The following PDXDC1 variants were observed in gnomAD, a reference collection of about 807,000 sequenced individuals.
PDXDC1 encodes pyridoxal-dependent decarboxylase domain-containing protein 1.
Under a neutral mutation model 100.1 loss-of-function variants are expected in PDXDC1, and 42 were observed. The ratio of observed to expected loss-of-function variants is 0.42; its 90% CI spans 0.33 to 0.54. The LOEUF is 0.54. Among genes scored for constraint, PDXDC1 ranks in the 20% least tolerant of loss-of-function variants. The pLI, the probability that PDXDC1 is intolerant of heterozygous loss-of-function variation, is 0.10. For missense variants in PDXDC1, 636 were observed against 979.2 expected, an observed-to-expected ratio of 0.65 and a Z score of 4.68; for synonymous variants, 260 against 371.7, an observed-to-expected ratio of 0.70 and a Z score of 3.46.
chr16:15,065,324 C>A (rs1597878146), intron 16 of PDXDC1: 1 of 1,613,668 alleles, frequency 6.2e-7, no homozygotes, highest in Non-Finnish European at 8.5e-7. Flanking sequence ...CAGCATCTGG[C>A]GATTGTTCCT....
At chr16:15,128,498 G>A (rs1598219457) in intron 16 of PDXDC1, 2 of 688,788 alleles carry the variant, frequency 2.9e-6, no homozygotes, top group African/African-American at 3.5e-5. Context: ...GAGCCACACA[G>A]GCAGTCCCGG....
intron 16 of PDXDC1, among the ~76,000 whole-genome samples, chr16:15,073,825 C>T (rs1248043918): frequency 6.6e-6 from 1 of 151,882 alleles, no homozygotes; most frequent in Non-Finnish European, 1.5e-5. Flanking sequence ...TGTTATGTTG[C>T]CCAGGATAGT....
intron 16 of PDXDC1, chr16:15,125,866 G>T (rs1165733211): frequency 4.8e-6 from 4 of 825,242 alleles, no homozygotes; most frequent in African/African-American, 1.7e-5. Context: ...GGACCTGGAT[G>T]AGAAGCCACC....
intron 16 of PDXDC1, chr16:15,131,446 A>T (rs1567309425): frequency 1.9e-6 from 3 of 1,608,412 alleles, no homozygotes; most frequent in Admixed American, 1.7e-5. Context: ...AGCCTAGGGG[A>T]TGGAGAAGTG....
chr16:15,127,018 T>C, intron 16 of PDXDC1: 1 of 344,822 alleles, frequency 2.9e-6, no homozygotes. Flanking sequence ...CTCAAACTCC[T>C]GGACTCAGAT....
At chr16:15,005,019 A>T (rs1040579854) in intron 5 of PDXDC1, among the ~76,000 whole-genome samples, 1 of 152,286 alleles carries the variant, frequency 6.6e-6, no homozygotes, top group African/African-American at 2.4e-5. Context: ...ATAGGTTCAG[A>T]GGGCCAGCTG....
intron 1 of PDXDC1, among the ~76,000 whole-genome samples, chr16:14,995,745 A>C (rs544240186): frequency 8.5e-5 from 13 of 152,408 alleles, no homozygotes; most frequent in African/African-American, 2.9e-4. Context: ...CCTCTGGTAG[A>C]ATTTGGCTGT....
rs146009528 is a variant in PDXDC1 at position 15,034,211 on chromosome 16, G to T, written c.1813-75G>T. ...GACCTGCTTTTGAAAAATTCCCTCAGTGCTGTGTTACTAGCTCTTCTGGGC... is the reference window on the plus strand; with the variant it reads ...GACCTGCTTTTGAAAAATTCCCTCATTGCTGTGTTACTAGCTCTTCTGGGC... On this transcript the variant is annotated intron_variant, in intron 19 of 22. Coordinates refer to ENST00000396410, the MANE Select transcript of PDXDC1 (RefSeq NM_015027.4). The T allele has an allele frequency of 9.1e-3, 11,624 of 1,283,238 alleles. 100 individuals are homozygous for T. Among genetic ancestry groups the T allele is most frequent in the Non-Finnish European group, 9.5e-3 (8,406 of 889,416 alleles). The allele number at this position is 1,283,238 out of a possible 1,614,324, so 79.5% of individuals were successfully genotyped here. A position where few individuals can be genotyped will look rare whatever the true frequency, so the allele number is the denominator to read the frequency against.
intron 16 of PDXDC1, among the ~76,000 whole-genome samples, chr16:15,051,101 C>T (rs186202901): frequency 6.6e-6 from 1 of 152,348 alleles, no homozygotes; most frequent in Admixed American, 6.5e-5. Context: ...TCCTGAGATA[C>T]TTACCTTCTG....
the PDXDC1 span, among the ~76,000 whole-genome samples, chr16:15,145,820 A>G: frequency 6.6e-6 from 1 of 152,254 alleles, no homozygotes; most frequent in African/African-American, 2.4e-5. Flanking sequence ...GCTGGAGCGC[A>G]GGCAGCAGAG....
At chr16:15,063,572 G>T (rs530162107) in intron 16 of PDXDC1, among the ~76,000 whole-genome samples, 1 of 151,812 alleles carries the variant, frequency 6.6e-6, no homozygotes, top group Non-Finnish European at 1.5e-5. Context: ...GCCGGGTGTG[G>T]TGGCGGACAC....
chr16:15,042,723 T>TATTTATTTATTTA (rs1464879053), downstream of PDXDC1, among the ~76,000 whole-genome samples: 150 of 132,402 alleles, frequency 1.1e-3, no homozygotes, highest in African/African-American at 4.5e-3. Context: ...ATGAACTATT[T>TATTTATTTATTTA]ATTTATTTAT....
chr16:15,095,710 G>A (rs1485651298), intron 16 of PDXDC1, among the ~76,000 whole-genome samples: 2 of 151,914 alleles, frequency 1.3e-5, no homozygotes, highest in Non-Finnish European at 2.9e-5. Flanking sequence ...AATTAGCCAG[G>A]CATGGTGGCA....
chr16:15,038,891 G>A (rs1029003885), downstream of PDXDC1, among the ~76,000 whole-genome samples: 3 of 152,196 alleles, frequency 2.0e-5, no homozygotes, highest in African/African-American at 7.2e-5. Context: ...CACGACTGCT[G>A]AGCGCCAACA....
At chr16:15,141,207 C>T (rs2048469709), downstream of PDXDC1, among the ~76,000 whole-genome samples, 1 of 152,236 alleles carries the variant, frequency 6.6e-6, no homozygotes, top group African/African-American at 2.4e-5. Context: ...TCCGCTCCCG[C>T]AGCAGCCTAC....
At chr16:15,119,391 T>G (rs1359517582) in intron 16 of PDXDC1, among the ~76,000 whole-genome samples, 1 of 145,252 alleles carries the variant, frequency 6.9e-6, no homozygotes, top group Non-Finnish European at 1.5e-5. Flanking sequence ...CAATAGCTGA[T>G]GATCTAAAAA....
At chr16:15,082,725 G>C (rs1328966055) in intron 16 of PDXDC1, among the ~76,000 whole-genome samples, 1 of 151,714 alleles carries the variant, frequency 6.6e-6, no homozygotes, top group Non-Finnish European at 1.5e-5. Flanking sequence ...AGTCGCACTT[G>C]GTCATGGTAC....
intron 16 of PDXDC1, among the ~76,000 whole-genome samples, chr16:15,099,217 G>T (rs1231745184): frequency 6.6e-6 from 1 of 152,070 alleles, no homozygotes; most frequent in African/African-American, 2.4e-5. Context: ...GAGATCAGGA[G>T]TTCAAGACCA....
Position 14,995,772 on chromosome 16 carries a change from G to A in PDXDC1, c.22-1981G>A, listed in dbSNP as rs1457057439. Among the ~76,000 whole-genome samples the A allele has an allele frequency of 3.9e-5, 6 of 152,270 alleles. No individual in the cohort carries two copies. In the East Asian group the frequency reaches 5.8e-4, roughly 15 times the overall value. ...TTTGGCTGTGAATCCCTCTGGTCCC[G>A]GACCTTTTTTGGTTGGTAAGCTCTT... On this transcript the variant is annotated intron_variant, in intron 1 of 22. Transcript: ENST00000396410.
Sources: gnomAD v4.1 joint callset for allele counts (sites outside exome capture counted in the v4.1 genomes callset) on GRCh38, gnomAD v4.1.1 for gene constraint, MANE v1.5 for transcripts, NCBI Gene and HGNC (gene_info 2026-07-23, HGNC 2026-07-21) for gene names.